The following CACHD1 variants were observed in gnomAD, a reference collection of about 807,000 sequenced individuals.
The protein encoded by CACHD1 is cache domain containing 1, also known as VWFA and cache domain-containing protein 1.
Under a neutral mutation model 138.7 loss-of-function variants are expected in CACHD1, and 71 were observed. That is an observed-to-expected ratio of 0.51 (90% CI 0.42 to 0.62). CACHD1 has a LOEUF of 0.62. Among genes scored for constraint, CACHD1 ranks in the 20% least tolerant of loss-of-function variants. The pLI, the probability that CACHD1 is intolerant of heterozygous loss-of-function variation, is 0.00. For missense variants in CACHD1, 1,389 were observed against 1,625.3 expected (o/e 0.85, Z 2.50); for synonymous variants, 578 against 591.5 (o/e 0.98, Z 0.33).
At chr1:64,514,613 C>T (rs1022233232) in intron 1 of CACHD1, among the ~76,000 whole-genome samples, 40 of 152,170 alleles carry the variant, frequency 2.6e-4, no homozygotes, top group African/African-American at 9.4e-4. Flanking sequence ...GTATTTACCA[C>T]AGCAGCAAAG....
chr1:64,654,904 T>C, intron 12 of CACHD1, 101 bp downstream of exon 12: 1 of 806,714 alleles, frequency 1.2e-6, no homozygotes, highest in South Asian at 1.5e-5. Context: ...GGTCTGATAA[T>C]TTGTCTCGTA....
chr1:64,655,284 A>C (rs1240133869), intron 12 of CACHD1, among the ~76,000 whole-genome samples: 2 of 152,164 alleles, frequency 1.3e-5, no homozygotes, highest in Non-Finnish European at 2.9e-5. Context: ...TAGCCACTTA[A>C]ATCAATTTCC....
chr1:64,488,295 A>G (rs1570298747), intron 1 of CACHD1, among the ~76,000 whole-genome samples: 2 of 152,236 alleles, frequency 1.3e-5, no homozygotes, highest in East Asian at 3.8e-4. Context: ...GAGGTGAAGT[A>G]TGAAAACATC....
In CACHD1 at chr1:64,666,872, A is replaced by AAAAAGAG. The variant is rs146557306; in HGVS notation, c.2387+705_2387+706insAAAAGAG. On this transcript the variant is annotated intron_variant, in intron 16 of 26. Coordinates refer to ENST00000651257, the MANE Select transcript of CACHD1 (RefSeq NM_020925.4). Reference sequence around the variant, plus strand: ...TCAAAAAAAAAAAAAAAAAAAAAAAACGAGAAAGAAAAAGTACCAAGATAT... The same window carrying AAAAAGAG: ...TCAAAAAAAAAAAAAAAAAAAAAAAAAAAAGAGCGAGAAAGAAAAAGTACCAAGATAT... 1.2e-4 allele frequency among the ~76,000 whole-genome samples: 17 copies of AAAAAGAG among 138,022 alleles called. 1 individual carries two copies. Among genetic ancestry groups the AAAAAGAG allele is most frequent in the East Asian group, 5.3e-4 (2 of 3,786 alleles). The allele number at this position is 138,022 out of a possible 152,430, so 90.5% of individuals were successfully genotyped here.
chr1:64,673,293 A>G (rs1649879209), intron 18 of CACHD1, 36 bp downstream of exon 18: 7 of 1,612,064 alleles, frequency 4.3e-6, no homozygotes, highest in Non-Finnish European at 5.9e-6. Context: ...CAGTTCTCCA[A>G]CCTCCTGCAG....
chr1:64,560,297 A>G (rs1389235140), intron 2 of CACHD1, among the ~76,000 whole-genome samples: 1 of 151,996 alleles, frequency 6.6e-6, no homozygotes, highest in Admixed American at 6.6e-5. Context: ...AGGTTGGAAC[A>G]TTAGATCACT....
Position 64,657,372 on chromosome 1 carries a change from G to A in CACHD1, c.1783-1333G>A, listed in dbSNP as rs187580246. 8.5e-5 allele frequency among the ~76,000 whole-genome samples: 13 copies of A among 152,120 alleles called. No individual in the cohort carries two copies. In the East Asian group the frequency reaches 1.5e-3, roughly 18 times the overall value. ...TAAAGTGCTACTTTTAGAAGCTTAC[G>A]GTAACTTTATTTTTCTCTTACAGAA... On this transcript the variant is annotated intron_variant, in intron 12 of 26. Transcript: ENST00000651257.
At chr1:64,506,225 A>G (rs1197050605) in intron 1 of CACHD1, 1 of 152,206 alleles carries the variant, frequency 6.6e-6, no homozygotes, top group Non-Finnish European at 1.5e-5. Context: ...ACTTTTAATA[A>G]GCACTGCCGC....
At chr1:64,648,965 CCT>C (rs1321256318) in intron 9 of CACHD1, among the ~76,000 whole-genome samples, 1 of 152,128 alleles carries the variant, frequency 6.6e-6, no homozygotes, top group African/African-American at 2.4e-5. Context: ...TATATCCTCC[CCT>C]TTCTCCTTCC....
At position 64,533,740 on chromosome 1, in the gene CACHD1, T is replaced by TTCTA. The variant is rs1553130302; in HGVS notation, c.199-16851_199-16850insATCT. The stretch of plus-strand genomic sequence containing the variant: ...AAATTGAATAATAGATATCTTTTTC[T>TTCTA]TCTCTCTCTTTTTTTTTTTTTTTTT... On this transcript the variant is annotated intron_variant, in intron 1 of 26. Coordinates refer to ENST00000651257, the MANE Select transcript of CACHD1 (RefSeq NM_020925.4). 1.6e-3 allele frequency among the ~76,000 whole-genome samples: 208 copies of TTCTA among 129,688 alleles called. 2 individuals carry two copies. The highest frequency in any genetic ancestry group is 5.5e-3 in the Admixed American group (68 of 12,378). The allele number at this position is 129,688 out of a possible 152,430, so 85.1% of individuals were successfully genotyped here. A position where few individuals can be genotyped will look rare whatever the true frequency, so the allele number is the denominator to read the frequency against.
Position 64,546,340 on chromosome 1 carries a change from CT to C in CACHD1, c.199-4242del, listed in dbSNP as rs35048029. On this transcript the variant is annotated intron_variant, in intron 1 of 26. Coordinates refer to ENST00000651257, the MANE Select transcript of CACHD1 (RefSeq NM_020925.4). ...TCTTTTCTTTTCTCTTTTTCGTTTA[CT>C]TTTTTTTTTTTGAGACATGGTCTGA... Among the ~76,000 whole-genome samples the C allele has an allele frequency of 1.4e-3, 199 of 145,984 alleles. 1 individual carries two copies. Among genetic ancestry groups the C allele is most frequent in the Middle Eastern group, 3.5e-3 (1 of 286 alleles).
intron 14 of CACHD1, chr1:64,664,275 C>G: frequency 1.8e-6 from 1 of 568,122 alleles, no homozygotes; most frequent in East Asian, 2.9e-5. Flanking sequence ...ACTCAGAAAG[C>G]CTAGGTAGGG....
At position 64,502,964 on chromosome 1, in the gene CACHD1, C is replaced by G. The variant is rs925325688; in HGVS notation, c.198+32022C>G. ...CCTGGGGTTGCTGGAAAAACTTGGTCAAAAAGGATAATTACTTTTTTTATT... is the reference window on the plus strand; with the variant it reads ...CCTGGGGTTGCTGGAAAAACTTGGTGAAAAAGGATAATTACTTTTTTTATT... On this transcript the variant is annotated intron_variant, in intron 1 of 26. Coordinates refer to ENST00000651257, the MANE Select transcript of CACHD1 (RefSeq NM_020925.4). Among the ~76,000 whole-genome samples, 3 of 152,042 alleles carry G rather than the reference C, an allele frequency of 2.0e-5. No individual in the cohort carries two copies. In the East Asian group the frequency reaches 5.8e-4, roughly 29 times the overall value.
chr1:64,651,446 G>A (rs1557539930), intron 9 of CACHD1, among the ~76,000 whole-genome samples: 1 of 151,942 alleles, frequency 6.6e-6, no homozygotes, highest in Non-Finnish European at 1.5e-5. Flanking sequence ...AGTCTCTTTT[G>A]ATCTAACATT....
At chr1:64,518,378 T>C (rs1030437991) in intron 1 of CACHD1, among the ~76,000 whole-genome samples, 2 of 152,214 alleles carry the variant, frequency 1.3e-5, no homozygotes, top group Non-Finnish European at 2.9e-5. Context: ...GGTGGTTTGC[T>C]GCACCTATCA....
chr1:64,691,743 AC>A lies in CACHD1; in HGVS notation c.*183del. On this transcript the variant is annotated 3_prime_UTR_variant, in exon 27 of 27. Transcript: ENST00000651257. ...AAACGAGAGAAACAACAACACAGTC[AC>A]ATTTGTGAAGATGTGAGGCTGGTTC... The A allele has an allele frequency of 1.7e-6, 1 of 604,984 alleles. No homozygotes were observed. Among genetic ancestry groups the A allele is most frequent in the Non-Finnish European group, 2.9e-6 (1 of 342,974 alleles). The allele number at this position is 604,984 out of a possible 1,614,324, so 37.5% of individuals were successfully genotyped here.
At chr1:64,680,003 A>G (rs569617753) in intron 24 of CACHD1, among the ~76,000 whole-genome samples, 3 of 152,338 alleles carry the variant, frequency 2.0e-5, no homozygotes, top group African/African-American at 7.2e-5. Context: ...TGCCTCTGCA[A>G]TAAGCCAGTC....
chr1:64,477,634 A>T (rs383927), intron 1 of CACHD1, among the ~76,000 whole-genome samples: 25,885 of 131,490 alleles, frequency 0.2, 4,610 homozygotes, highest in African/African-American at 0.52. Flanking sequence ...ATTTTATTTT[A>T]TTTTTTTTTT....
At chr1:64,560,094 A>C (rs1646827693) in intron 2 of CACHD1, among the ~76,000 whole-genome samples, 1 of 152,212 alleles carries the variant, frequency 6.6e-6, no homozygotes, top group South Asian at 2.1e-4. Context: ...TGAAAAGATC[A>C]ATAAAATGGA....
Sources: gnomAD v4.1 joint callset for allele counts (sites outside exome capture counted in the v4.1 genomes callset) on GRCh38, gnomAD v4.1.1 for gene constraint, MANE v1.5 for transcripts, NCBI Gene and HGNC (gene_info 2026-07-23, HGNC 2026-07-21) for gene names.